The following DENND2B variants were observed in gnomAD, a reference collection of about 807,000 sequenced individuals.
The protein encoded by DENND2B is DENN domain containing 2B.
A neutral mutation model predicts 116.0 loss-of-function variants in DENND2B; 32 were observed. That is an observed-to-expected ratio of 0.28 (90% CI 0.21 to 0.37). The LOEUF (loss-of-function observed/expected upper bound fraction) is 0.37, where lower values mean the gene tolerates loss of function less well. Ranked by LOEUF, DENND2B falls within the 10% of genes least tolerant of loss-of-function variation. The pLI, the probability that DENND2B is intolerant of heterozygous loss-of-function variation, is 1.00. For synonymous variants in DENND2B, 588 were observed against 583.9 expected (o/e 1.01, Z -0.10); for missense variants, 1,276 against 1,477.7 (o/e 0.86, Z 2.24).
upstream of DENND2B, among the ~76,000 whole-genome samples, chr11:8,812,670 T>G (rs1432358135): frequency 6.6e-6 from 1 of 152,188 alleles, no homozygotes; most frequent in African/African-American, 2.4e-5. Flanking sequence ...TAACGGGCCA[T>G]GTGCCATTGG....
rs916584251 is a variant in DENND2B at position 8,829,566 on chromosome 11, C to T, written c.-115+9744G>A. Among the ~76,000 whole-genome samples the T allele has an allele frequency of 3.3e-5, 5 of 152,158 alleles. No individual in the cohort carries two copies. The South Asian group carries it at 8.3e-4, about 25-fold the overall frequency. On this transcript the variant is annotated intron_variant, in intron 4 of 6. Transcript: ENST00000524757. Reference sequence around the variant, plus strand: ...GGTTCTCAAAAACAATTCTGAGGAGCTGAACCATTGATATGGTCTGAATGC... The same window carrying T: ...GGTTCTCAAAAACAATTCTGAGGAGTTGAACCATTGATATGGTCTGAATGC...
At chr11:8,734,681 C>T (rs947805714) in intron 2 of DENND2B, among the ~76,000 whole-genome samples, 1 of 149,188 alleles carries the variant, frequency 6.7e-6, no homozygotes, top group Non-Finnish European at 1.5e-5. Context: ...TGCAGTGACT[C>T]GGGAGGCTGA....
chr11:8,718,591 AAG>A, intron 4 of DENND2B: 4 of 1,357,080 alleles, frequency 2.9e-6, no homozygotes, highest in Non-Finnish European at 3.8e-6. Context: ...TCTCAGCAAA[AAG>A]AGAACCATCA....
intron 1 of DENND2B, among the ~76,000 whole-genome samples, chr11:8,795,129 C>A (rs1043581114): frequency 6.6e-6 from 1 of 152,216 alleles, no homozygotes; most frequent in Non-Finnish European, 1.5e-5. Context: ...AAAAATCAGA[C>A]AAGCATCTGT....
chr11:8,880,345 CTGTGTGTGTGTGTGTG>C (rs56051922), intron 2 of DENND2B, among the ~76,000 whole-genome samples: 1 of 120,552 alleles, frequency 8.3e-6, no homozygotes, highest in Non-Finnish European at 1.9e-5. Context: ...TCACTTTGAA[CTGTGTGTGTGTGTGTG>C]TGTGTGTGTG....
At chr11:8,907,638 T>C (rs1274373995) in intron 1 of DENND2B, among the ~76,000 whole-genome samples, 1 of 152,190 alleles carries the variant, frequency 6.6e-6, no homozygotes, top group African/African-American at 2.4e-5. Flanking sequence ...TAGTTACAAT[T>C]GAATATTCAT....
intron 2 of DENND2B, among the ~76,000 whole-genome samples, chr11:8,867,827 C>T (rs1305370725): frequency 6.6e-6 from 1 of 152,110 alleles, no homozygotes; most frequent in Non-Finnish European, 1.5e-5. Context: ...AAGCAATCTG[C>T]CTGCCTCTGC....
At chr11:8,765,474 C>A (rs796253995) in intron 1 of DENND2B, among the ~76,000 whole-genome samples, 6 of 152,346 alleles carry the variant, frequency 3.9e-5, no homozygotes, top group African/African-American at 1.4e-4. Flanking sequence ...GCATTACATT[C>A]TTTTCGATGA....
At chr11:8,792,603 G>T (rs2059482765) in intron 1 of DENND2B, among the ~76,000 whole-genome samples, 1 of 152,026 alleles carries the variant, frequency 6.6e-6, no homozygotes, top group African/African-American at 2.4e-5. Context: ...TGACCAAAGA[G>T]AAAAATTAAC....
At chr11:8,834,784 T>C (rs749871267) in intron 4 of DENND2B, among the ~76,000 whole-genome samples, 4 of 152,210 alleles carry the variant, frequency 2.6e-5, no homozygotes, top group Admixed American at 6.5e-5. Flanking sequence ...TCGCCCTTTA[T>C]AGGTTGAAGA....
intron 1 of DENND2B, among the ~76,000 whole-genome samples, chr11:8,790,844 G>A (rs896107489): frequency 6.6e-6 from 1 of 152,052 alleles, no homozygotes; most frequent in African/African-American, 2.4e-5. Context: ...TGCTTTTCTC[G>A]GTCTCCTAAA....
chr11:8,782,886 CAAAAAAA>C (rs66930048), intron 1 of DENND2B, among the ~76,000 whole-genome samples: 1 of 98,884 alleles, frequency 1.0e-5, no homozygotes, highest in Admixed American at 1.0e-4. Flanking sequence ...GACTCTGTCT[CAAAAAAA>C]AAAAAAAAAA....
upstream of DENND2B, among the ~76,000 whole-genome samples, chr11:8,815,485 C>G (rs1467222527): frequency 6.6e-6 from 1 of 152,152 alleles, no homozygotes; most frequent in Non-Finnish European, 1.5e-5. Context: ...ACAGGCACAA[C>G]CACAGTGCAC....
At chr11:8,764,052 C>T (rs148403013) in intron 1 of DENND2B, among the ~76,000 whole-genome samples, 2,481 of 151,804 alleles carry the variant, frequency 0.016, 72 homozygotes, top group African/African-American at 0.056. Flanking sequence ...GGTGAAACCC[C>T]GTCTCTACTA....
At chr11:8,778,138 C>T (rs943676195) in intron 1 of DENND2B, among the ~76,000 whole-genome samples, 2 of 152,204 alleles carry the variant, frequency 1.3e-5, no homozygotes, top group African/African-American at 4.8e-5. Context: ...TGAGTCAAGC[C>T]TTGAAAGGGC....
rs1007591207 is a variant in DENND2B, at chr11:8,827,781, T to C, written c.-115+11529A>G. On this transcript the variant is annotated intron_variant, in intron 4 of 6. Coordinates refer to the DENND2B transcript ENST00000524757. ...AAGGGTGAACCCTGTACCTCTGTTTTATCCAAGATGGCTAGGAAGAGAGAC... is the reference window on the plus strand; with the variant it reads ...AAGGGTGAACCCTGTACCTCTGTTTCATCCAAGATGGCTAGGAAGAGAGAC... Among the ~76,000 whole-genome samples the C allele has an allele frequency of 4.6e-5, 7 of 152,348 alleles. 1 individual carries two copies. The highest frequency in any genetic ancestry group is 3.4e-3 in the Middle Eastern group (1 of 294).
Position 8,866,109 on chromosome 11 carries a change from G to A in DENND2B, c.-250+4845C>T, listed in dbSNP as rs552576328. The stretch of plus-strand genomic sequence containing the variant: ...CCAGCAGCTGGGACTACAGGTGCCC[G>A]CCACCACGCCCAGCTAATTTTTTGT... On this transcript the variant is annotated intron_variant, in intron 2 of 6. Coordinates refer to the DENND2B transcript ENST00000524757. Among the ~76,000 whole-genome samples the A allele has an allele frequency of 1.3e-4, 20 of 152,108 alleles. 1 individual carries two copies. The highest frequency in any genetic ancestry group is 1.2e-3 in the South Asian group (6 of 4,802).
chr11:8,846,780 C>A (rs2062830081), intron 3 of DENND2B, among the ~76,000 whole-genome samples: 1 of 152,166 alleles, frequency 6.6e-6, no homozygotes, highest in South Asian at 2.1e-4. Context: ...CTGTTTATAC[C>A]AGAGGCGGCC....
At chr11:8,695,204 C>A (rs1401795223) in intron 19 of DENND2B, among the ~76,000 whole-genome samples, 2 of 152,126 alleles carry the variant, frequency 1.3e-5, no homozygotes, top group African/African-American at 2.4e-5. Context: ...ATAGAAGGGA[C>A]TTGAGCATCT....
Sources: allele counts gnomAD v4.1 joint callset (sites outside exome capture counted in the v4.1 genomes callset), GRCh38; gene constraint gnomAD v4.1.1; transcripts MANE v1.5; gene names NCBI Gene and HGNC (gene_info 2026-07-23, HGNC 2026-07-21).